XXYLT1: variants seen among roughly 807,000 people sequenced by gnomAD.
XXYLT1 encodes UDP-xylose:alpha-xyloside alpha-1,3-xylosyltransferase.
In XXYLT1, 20 loss-of-function variants were observed where a neutral mutation model predicts 28.9. The observed-to-expected ratio is 0.69, with a 90% CI of 0.49 to 1.00. XXYLT1 has a LOEUF of 1.00. Among genes scored for constraint, XXYLT1 ranks in the 50% least tolerant of loss-of-function variants. The pLI is 0.00. For missense variants in XXYLT1, 542 were observed against 560.1 expected (o/e 0.97, Z 0.33); for synonymous variants, 257 against 253.8 (o/e 1.01, Z -0.12).
Position 195,156,591 on chromosome 3 carries a change from A to T in XXYLT1, c.653-10T>A. 6.2e-7 allele frequency: 1 copy of T among 1,613,880 alleles called. No homozygotes were observed. The highest frequency in any genetic ancestry group is 8.5e-7 in the Non-Finnish European group (1 of 1,179,860). On this transcript the variant is annotated splice_polypyrimidine_tract_variant and intron_variant, in intron 2 of 3. Transcript: ENST00000310380. The stretch of plus-strand genomic sequence containing the variant: ...ATGATCTGCAGGATCTCTGCGGGAA[A>T]GAGAAAAGGACAATGAGACACAGGT...
At chr3:195,174,433 G>A (rs918345484) in intron 2 of XXYLT1, among the ~76,000 whole-genome samples, 3 of 152,038 alleles carry the variant, frequency 2.0e-5, no homozygotes, top group African/African-American at 7.3e-5. Flanking sequence ...TGATTTCCCG[G>A]GCTCAAGTGA....
intron 2 of XXYLT1, among the ~76,000 whole-genome samples, chr3:195,175,340 AG>A (rs1032920978): frequency 1.3e-5 from 2 of 152,244 alleles, no homozygotes; most frequent in Non-Finnish European, 2.9e-5. Flanking sequence ...ACAGAAGCAG[AG>A]GGCAGAAGCT....
At chr3:195,151,557 A>C (rs1348544060) in intron 3 of XXYLT1, among the ~76,000 whole-genome samples, 3 of 151,944 alleles carry the variant, frequency 2.0e-5, no homozygotes, top group Non-Finnish European at 4.4e-5. Flanking sequence ...AAAAAAATTT[A>C]AATTTCAATA....
chr3:195,202,102 G>A (rs1722880692), intron 2 of XXYLT1, among the ~76,000 whole-genome samples: 1 of 152,138 alleles, frequency 6.6e-6, no homozygotes, highest in Non-Finnish European at 1.5e-5. Context: ...GCTTGAACCT[G>A]GGAGGTGGAG....
chr3:195,186,318 C>G (rs1722194631), intron 2 of XXYLT1, among the ~76,000 whole-genome samples: 1 of 152,190 alleles, frequency 6.6e-6, no homozygotes, highest in Admixed American at 6.5e-5. Context: ...GATGAAAATG[C>G]AAACCATATT....
chr3:195,197,536 C>T (rs1722678916), intron 2 of XXYLT1, among the ~76,000 whole-genome samples: 1 of 151,520 alleles, frequency 6.6e-6, no homozygotes, highest in Non-Finnish European at 1.5e-5. Flanking sequence ...AAATGTTATT[C>T]TGATAAGTAT....
chr3:195,229,225 T>C (rs558631383), intron 1 of XXYLT1, among the ~76,000 whole-genome samples: 143 of 152,340 alleles, frequency 9.4e-4, no homozygotes, highest in African/African-American at 3.3e-3. Flanking sequence ...CTATTAAATT[T>C]AGAAAAACTT....
At chr3:195,136,273 G>C (rs1308359994) in intron 3 of XXYLT1, among the ~76,000 whole-genome samples, 1 of 152,176 alleles carries the variant, frequency 6.6e-6, no homozygotes, top group Non-Finnish European at 1.5e-5. Flanking sequence ...TGCTCCTATA[G>C]GTTTGAATGA....
At chr3:195,221,882 C>G (rs1232449808) in intron 2 of XXYLT1, among the ~76,000 whole-genome samples, 1 of 152,138 alleles carries the variant, frequency 6.6e-6, no homozygotes, top group East Asian at 1.9e-4. Context: ...GGCAGGCAAG[C>G]ATGAGCAGCG....
chr3:195,147,272 T>C (rs1434208023), intron 3 of XXYLT1, among the ~76,000 whole-genome samples: 1 of 151,986 alleles, frequency 6.6e-6, no homozygotes, highest in Non-Finnish European at 1.5e-5. Context: ...ATGAGCCAAA[T>C]AAAAAACTGA....
chr3:195,102,739 A>G (rs13091190), intron 3 of XXYLT1, among the ~76,000 whole-genome samples: 71,407 of 152,050 alleles, frequency 0.47, 18,235 homozygotes, highest in Non-Finnish European at 0.57. Context: ...TTCTTTCCGT[A>G]TCTTGGCTAC....
intron 3 of XXYLT1, among the ~76,000 whole-genome samples, chr3:195,106,753 G>A (rs928899083): frequency 2.0e-5 from 3 of 152,228 alleles, no homozygotes; most frequent in African/African-American, 7.2e-5. Flanking sequence ...TTTCACCACT[G>A]TCTTCAGCTG....
rs141832700 is a variant in XXYLT1 at position 195,212,597 on chromosome 3, C to G, written c.652+14112G>C. On this transcript the variant is annotated intron_variant, in intron 2 of 3. Coordinates refer to ENST00000310380, the MANE Select transcript of XXYLT1 (RefSeq NM_152531.5). ...TCACCACCTGGGCTCCACCTCCTGT[C>G]AGATCAGCAGCATCAGATTCTCAAA... is the stretch of plus-strand genomic sequence containing the variant. 7.4e-4 allele frequency among the ~76,000 whole-genome samples: 113 copies of G among 152,326 alleles called. No individual in the cohort carries two copies. The East Asian group carries it at 0.017, about 23-fold the overall frequency.
intron 2 of XXYLT1, among the ~76,000 whole-genome samples, chr3:195,170,286 G>A (rs1033326542): frequency 3.3e-5 from 5 of 152,138 alleles, no homozygotes; most frequent in African/African-American, 9.7e-5. Context: ...GACATATATT[G>A]CTTTTGAAAA....
Position 195,257,612 on chromosome 3 carries a change from C to T in XXYLT1, c.504+12943G>A, listed in dbSNP as rs1725528751. 6.6e-6 allele frequency among the ~76,000 whole-genome samples: 1 copy of T among 152,162 alleles called. No homozygotes were observed. The highest frequency in any genetic ancestry group is 2.4e-5 in the African/African-American group (1 of 41,430). On this transcript the variant is annotated intron_variant, in intron 1 of 3. Coordinates refer to ENST00000310380, the MANE Select transcript of XXYLT1 (RefSeq NM_152531.5). The surrounding 1 kb of genome is among the most constrained non-coding windows in gnomAD (Gnocchi z 4.3). Reference sequence around the variant, plus strand: ...GGTGGATCACCATGGCAGCCAGGTACATCCTGGCTGGGCCGGCACGGGCCC... The same window carrying T: ...GGTGGATCACCATGGCAGCCAGGTATATCCTGGCTGGGCCGGCACGGGCCC...
chr3:195,270,398 C>A, intron 1 of XXYLT1, 157 bp downstream of exon 1: 2 of 981,400 alleles, frequency 2.0e-6, no homozygotes, highest in African/African-American at 1.7e-5. Flanking sequence ...CGCCCCCGAA[C>A]GAGCCCTCCC....
chr3:195,207,714 T>C (rs947335150), intron 2 of XXYLT1, among the ~76,000 whole-genome samples: 1 of 152,198 alleles, frequency 6.6e-6, no homozygotes, highest in Admixed American at 6.5e-5. Flanking sequence ...ATAAATAAGC[T>C]GTAAGATAAA....
At chr3:195,171,627 C>T (rs2108716827) in intron 2 of XXYLT1, among the ~76,000 whole-genome samples, 1 of 152,130 alleles carries the variant, frequency 6.6e-6, no homozygotes, top group Middle Eastern at 3.4e-3. Context: ...GGATGTCAAA[C>T]AAACAAACAA....
At chr3:195,262,828 T>C (rs895008058) in intron 1 of XXYLT1, among the ~76,000 whole-genome samples, 2 of 152,228 alleles carry the variant, frequency 1.3e-5, no homozygotes, top group Admixed American at 6.5e-5. Flanking sequence ...ACTACAGCTG[T>C]TTTCATGAGT....
Sources: allele counts gnomAD v4.1 joint callset (sites outside exome capture counted in the v4.1 genomes callset), GRCh38; gene constraint gnomAD v4.1.1; non-coding constraint Gnocchi (gnomAD v3.1); transcripts MANE v1.5; gene names NCBI Gene and HGNC (gene_info 2026-07-23, HGNC 2026-07-21).